RIMBP2: variants seen among roughly 807,000 people sequenced by gnomAD.
The protein encoded by RIMBP2 is RIMS binding protein 2.
RIMBP2 carries 48 observed loss-of-function variants against 118.6 expected under a neutral mutation model. The observed-to-expected ratio is 0.40, with a 90% confidence interval of 0.32 to 0.51. The LOEUF (loss-of-function observed/expected upper bound fraction) is 0.51, where lower values mean the gene tolerates loss of function less well. Ranked by LOEUF, RIMBP2 falls within the 20% of genes least tolerant of loss-of-function variation. RIMBP2 has a pLI of 0.41. For missense variants in RIMBP2, 1,551 were observed against 1,768.3 expected, an observed-to-expected ratio of 0.88 and a Z score of 2.20; for synonymous variants, 762 against 742.9, an observed-to-expected ratio of 1.03 and a Z score of -0.42.
chr12:130,423,509 G>T (rs1173005507), intron 16 of RIMBP2, among the ~76,000 whole-genome samples: 2 of 151,960 alleles, frequency 1.3e-5, no homozygotes, highest in African/African-American at 2.4e-5. Context: ...GATGAATGAA[G>T]CCTTCAATGA....
chr12:130,452,198 C>G (rs1002594995), intron 7 of RIMBP2, among the ~76,000 whole-genome samples: 34 of 152,138 alleles, frequency 2.2e-4, no homozygotes, highest in African/African-American at 8.0e-4. Context: ...CTCGGTCCCT[C>G]TGTAGCTGTC....
At chr12:130,521,071 G>C (rs556621820) in intron 2 of RIMBP2, among the ~76,000 whole-genome samples, 3 of 152,266 alleles carry the variant, frequency 2.0e-5, no homozygotes, top group South Asian at 2.1e-4. Context: ...GCAGGCCTTG[G>C]GGGGGAAATC....
chr12:130,481,308 G>C (rs2081993939), intron 4 of RIMBP2, among the ~76,000 whole-genome samples: 1 of 152,146 alleles, frequency 6.6e-6, no homozygotes, highest in Admixed American at 6.5e-5. Flanking sequence ...GAAAGATCTT[G>C]AAACAGAACC....
rs1289985467 is a variant in RIMBP2, at chr12:130,710,068, C to T, written c.-352+6154G>A. ...ATCCCTGGGAGCTCACGGGTGGACACCGAGGGTCTCCAGGAGAGGGGTTGG... is the reference window on the plus strand; with the variant it reads ...ATCCCTGGGAGCTCACGGGTGGACATCGAGGGTCTCCAGGAGAGGGGTTGG... On this transcript the variant is annotated intron_variant, in intron 1 of 22. Transcript: ENST00000690449. This position sits in a 1 kb window ranked among gnomAD's most constrained non-coding sequence, Gnocchi z 4.3. 6.6e-6 allele frequency among the ~76,000 whole-genome samples: 1 copy of T among 152,164 alleles called. No individual in the cohort carries two copies.
At chr12:130,580,976 T>G (rs900100765) in intron 2 of RIMBP2, among the ~76,000 whole-genome samples, 1 of 152,056 alleles carries the variant, frequency 6.6e-6, no homozygotes, top group East Asian at 1.9e-4. Context: ...TGTATGTATA[T>G]ATAGATATAT....
rs1003335575 is a variant in RIMBP2 at position 130,578,700 on chromosome 12, C to T, written c.-217+49622G>A. ...TCAGAGACTTCCCCTCGCTACCCAA[C>T]GACCGAGTCCCTCACCCTGCCCCGT... is the stretch of plus-strand genomic sequence containing the variant. On this transcript the variant is annotated intron_variant, in intron 2 of 22. Transcript: ENST00000690449. The surrounding 1 kb of genome is among the most constrained non-coding windows in gnomAD (Gnocchi z 4.1). Among the ~76,000 whole-genome samples the T allele has an allele frequency of 2.0e-5, 3 of 152,196 alleles. No homozygotes were observed. The highest frequency in any genetic ancestry group is 1.9e-4 in the East Asian group (1 of 5,192).
At chr12:130,713,814 A>G (rs991042154) in intron 1 of RIMBP2, among the ~76,000 whole-genome samples, 2 of 152,174 alleles carry the variant, frequency 1.3e-5, no homozygotes, top group African/African-American at 4.8e-5. Context: ...GTCTAGACCA[A>G]CCTATGAGGC....
intron 1 of RIMBP2, among the ~76,000 whole-genome samples, chr12:130,694,105 G>A (rs1002920806): frequency 5.3e-5 from 8 of 152,214 alleles, no homozygotes; most frequent in African/African-American, 1.7e-4. Flanking sequence ...GAGATGTCCA[G>A]GACATTTATC....
chr12:130,403,739 A>G (rs12229898), intron 21 of RIMBP2, among the ~76,000 whole-genome samples: 20,577 of 152,194 alleles, frequency 0.14, 1,536 homozygotes, highest in Middle Eastern at 0.21. Flanking sequence ...CCCGGTATCA[A>G]AAGCTACAAC....
chr12:130,404,799 C>CA (rs1233487578), intron 21 of RIMBP2, among the ~76,000 whole-genome samples: 1 of 152,064 alleles, frequency 6.6e-6, no homozygotes, highest in Non-Finnish European at 1.5e-5. Flanking sequence ...GGACTCTTTA[C>CA]AAAATGTTCC....
At position 130,437,157 on chromosome 12, in the gene RIMBP2, G is replaced by T; in HGVS notation, c.1791C>A (p.Ala597=). 2 of 1,587,328 alleles carry T rather than the reference G, an allele frequency of 1.3e-6. No individual in the cohort carries two copies. Among genetic ancestry groups the T allele is most frequent in the South Asian group, 1.1e-5 (1 of 87,678 alleles). The change falls in exon 13 of 23, where the codon GCC becomes GCA. Residue 597 remains alanine, a synonymous_variant. Coordinates refer to ENST00000690449, the MANE Select transcript of RIMBP2 (RefSeq NM_001393629.1). ...QGESVDSAVA[A]VPPELLVPPT... ...GAGGCACCAGGAGCTCGGGGGGAAC[G>T]GCAGCAACTGCAGAGTCCACGGACT...
intron 2 of RIMBP2, among the ~76,000 whole-genome samples, chr12:130,544,156 T>C (rs2054877406): frequency 6.6e-6 from 1 of 152,200 alleles, no homozygotes; most frequent in African/African-American, 2.4e-5. Context: ...GTAAGGCTTT[T>C]TGATGTCCTT....
At chr12:130,557,685 A>T (rs2056481529) in intron 2 of RIMBP2, among the ~76,000 whole-genome samples, 1 of 152,248 alleles carries the variant, frequency 6.6e-6, no homozygotes, top group African/African-American at 2.4e-5. Context: ...ATTACACAGC[A>T]ATCGGTGACA....
chr12:130,671,356 T>C (rs1391837014), intron 1 of RIMBP2, among the ~76,000 whole-genome samples: 1 of 152,226 alleles, frequency 6.6e-6, no homozygotes, highest in Non-Finnish European at 1.5e-5. Context: ...CTAACATCTC[T>C]GACTTGCGTC....
intron 4 of RIMBP2, among the ~76,000 whole-genome samples, chr12:130,484,232 C>T (rs934417500): frequency 3.3e-5 from 5 of 152,294 alleles, no homozygotes; most frequent in Non-Finnish European, 5.9e-5. Context: ...ACCTGACTGC[C>T]TCTTGCCTCC....
chr12:130,442,176 G>A lies in RIMBP2; in HGVS notation c.1176C>T (p.Gly392=). 1 of 1,614,186 alleles carries A rather than the reference G, an allele frequency of 6.2e-7. No individual in the cohort carries two copies. The highest frequency in any genetic ancestry group is 8.5e-7 in the Non-Finnish European group (1 of 1,180,050). ...RISVQCVTSR[G]SSDELQCTLL... ...GCGTGCACTGCAGCTCATCCGAGCT[G>A]CCCCTGCTGGTGACGCACTGCACGG... Residue 392 remains glycine (G), a synonymous_variant, in exon 11 of 23, where the codon GGC becomes GGT. Transcript: ENST00000690449. The surrounding 1 kb of genome is among the most constrained non-coding windows in gnomAD (Gnocchi z 6.9).
At chr12:130,417,546 T>G (rs2076172412) in intron 17 of RIMBP2, among the ~76,000 whole-genome samples, 1 of 151,958 alleles carries the variant, frequency 6.6e-6, no homozygotes, top group Non-Finnish European at 1.5e-5. Context: ...GACACGAAGA[T>G]GGGAACAACA....
chr12:130,616,094 C>A (rs1388238938), intron 2 of RIMBP2, among the ~76,000 whole-genome samples: 1 of 152,144 alleles, frequency 6.6e-6, no homozygotes, highest in Non-Finnish European at 1.5e-5. Context: ...CCGCTGGGCT[C>A]TGTGTCCAAG....
intron 2 of RIMBP2, among the ~76,000 whole-genome samples, chr12:130,568,190 T>C (rs1298354169): frequency 2.0e-5 from 3 of 152,180 alleles, no homozygotes; most frequent in Non-Finnish European, 4.4e-5. Context: ...GGGTTTCTCA[T>C]AACTTCTAAA....
Sources: gnomAD v4.1 joint callset for allele counts (sites outside exome capture counted in the v4.1 genomes callset) on GRCh38, gnomAD v4.1.1 for gene constraint, Gnocchi (gnomAD v3.1) non-coding constraint, MANE v1.5 for transcripts, NCBI Gene and HGNC (gene_info 2026-07-23, HGNC 2026-07-21) for gene names.